PCSK5: variants seen among roughly 807,000 people sequenced by gnomAD.
PCSK5 encodes the protein prohormone convertase 5.
A neutral mutation model predicts 233.2 loss-of-function variants in PCSK5; 129 were observed. The observed-to-expected ratio is 0.55, with a 90% confidence interval of 0.48 to 0.64. PCSK5 has a LOEUF of 0.64. PCSK5 is among the 30% of genes least tolerant of loss of function. The pLI is 0.00. For synonymous variants in PCSK5, 825 were observed against 879.2 expected (o/e 0.94, Z 1.09); for missense variants, 2,076 against 2,430.1 (o/e 0.85, Z 3.06).
At chr9:76,077,373 C>A (rs1043994236) in intron 7 of PCSK5, among the ~76,000 whole-genome samples, 1 of 152,156 alleles carries the variant, frequency 6.6e-6, no homozygotes, top group East Asian at 1.9e-4. Context: ...ACTGTTCATC[C>A]TCCTGTCTTA....
At chr9:76,328,672 C>A (rs145238330) in intron 33 of PCSK5, among the ~76,000 whole-genome samples, 2 of 152,198 alleles carry the variant, frequency 1.3e-5, no homozygotes, top group African/African-American at 4.8e-5. Context: ...TCTTACATAA[C>A]CGCAGGATAG....
intron 24 of PCSK5, among the ~76,000 whole-genome samples, chr9:76,255,694 G>A (rs1478912488): frequency 1.3e-5 from 2 of 152,054 alleles, no homozygotes; most frequent in Non-Finnish European, 2.9e-5. Flanking sequence ...AGTTAGCCTG[G>A]TGCGGTTACA....
chr9:76,094,422 A>G (rs570075826), intron 7 of PCSK5, among the ~76,000 whole-genome samples: 49 of 152,204 alleles, frequency 3.2e-4, no homozygotes, highest in African/African-American at 1.0e-3. Context: ...GTGTCTTCCA[A>G]TTTGCCTTCT....
intron 18 of PCSK5, 148 bp downstream of exon 18, chr9:76,188,823 C>T (rs982610550): frequency 1.5e-6 from 1 of 656,118 alleles, no homozygotes; most frequent in African/African-American, 1.8e-5. Flanking sequence ...TGTGTATTCT[C>T]ATTGAAAGTC....
chr9:76,067,220 G>T (rs1402140686), intron 5 of PCSK5, among the ~76,000 whole-genome samples: 1 of 152,132 alleles, frequency 6.6e-6, no homozygotes, highest in East Asian at 1.9e-4. Flanking sequence ...CAAAATTATG[G>T]TGACAAAATA....
intron 9 of PCSK5, among the ~76,000 whole-genome samples, chr9:76,130,041 C>G (rs1331871875): frequency 6.6e-6 from 1 of 152,052 alleles, no homozygotes; most frequent in South Asian, 2.1e-4. Flanking sequence ...ATGACAAGTT[C>G]ATAACAATAA....
chr9:76,053,408 G>A (rs11144732), intron 5 of PCSK5, among the ~76,000 whole-genome samples: 17,003 of 152,198 alleles, frequency 0.11, 1,140 homozygotes, highest in South Asian at 0.26. Flanking sequence ...GATTTCTGCC[G>A]TGGGCTTGAA....
rs183199928 is a variant in PCSK5, at chr9:76,047,675, A to T, written c.633-20280A>T. Among the ~76,000 whole-genome samples, 107 of 152,252 alleles carry T rather than the reference A, an allele frequency of 7.0e-4. 1 individual carries two copies. Among genetic ancestry groups the T allele is most frequent in the African/African-American group, 2.5e-3 (104 of 41,554 alleles). On this transcript the variant is annotated intron_variant, in intron 5 of 37. Coordinates refer to ENST00000674117, the MANE Select transcript of PCSK5 (RefSeq NM_001372043.1). ...TACAACTTGCCCAATTTGGAGAGGCAGTGTAGGAGGGACTCATTAATGGGA... is the reference window on the plus strand; with the variant it reads ...TACAACTTGCCCAATTTGGAGAGGCTGTGTAGGAGGGACTCATTAATGGGA...
In PCSK5 at chr9:76,208,775, T is replaced by G. The variant is rs371828984; in HGVS notation, c.2627-18728T>G. Among the ~76,000 whole-genome samples, 40 of 152,334 alleles carry G rather than the reference T, an allele frequency of 2.6e-4. No homozygotes were observed. The South Asian group carries it at 2.7e-3, about 10-fold the overall frequency. On this transcript the variant is annotated intron_variant, in intron 20 of 37. Transcript: ENST00000674117. ...AGAGAAGAATAATTCTGATTGCTCA[T>G]GCGGTATTTTTTTTCCAACCTGGAT...
intron 20 of PCSK5, among the ~76,000 whole-genome samples, chr9:76,192,353 T>C (rs1306800711): frequency 1.3e-5 from 2 of 152,220 alleles, no homozygotes; most frequent in Non-Finnish European, 2.9e-5. Flanking sequence ...ACCAGGCTTT[T>C]GAAATCACAT....
intron 24 of PCSK5, chr9:76,287,053 A>G (rs1156605025): frequency 1.8e-5 from 3 of 162,702 alleles, no homozygotes; most frequent in Non-Finnish European, 2.7e-5. Flanking sequence ...TATCACCCGG[A>G]TCACCGGTGT....
Position 75,983,380 on chromosome 9 carries a change from A to T in PCSK5, c.298-2752A>T, listed in dbSNP as rs148140748. ...ATGAGATACAAGTTCAGCTGAGATTATGAGGGCAGGCTTCCCATAACTGTC... is the reference window on the plus strand; with the variant it reads ...ATGAGATACAAGTTCAGCTGAGATTTTGAGGGCAGGCTTCCCATAACTGTC... On this transcript the variant is annotated intron_variant, in intron 2 of 37. Transcript: ENST00000674117. Among the ~76,000 whole-genome samples, 16 of 152,284 alleles carry T rather than the reference A, an allele frequency of 1.1e-4. No homozygotes were observed. The East Asian group carries it at 2.9e-3, about 28-fold the overall frequency.
intron 1 of PCSK5, among the ~76,000 whole-genome samples, chr9:75,909,927 C>T (rs1366432102): frequency 6.6e-6 from 1 of 152,148 alleles, no homozygotes; most frequent in East Asian, 1.9e-4. Context: ...CGTGTCCCTT[C>T]ATTTACAGCC....
At chr9:76,349,905 C>T (rs991061778) in intron 35 of PCSK5, among the ~76,000 whole-genome samples, 2 of 152,168 alleles carry the variant, frequency 1.3e-5, no homozygotes, top group Non-Finnish European at 2.9e-5. Context: ...AGAGTACTGT[C>T]TCCACAGGAA....
At chr9:75,964,590 A>C (rs1237685774) in intron 2 of PCSK5, among the ~76,000 whole-genome samples, 1 of 152,192 alleles carries the variant, frequency 6.6e-6, no homozygotes, top group East Asian at 1.9e-4. Context: ...TGTGCTTTGC[A>C]CCTGGGATGT....
At position 76,175,506 on chromosome 9, in the gene PCSK5, C is replaced by T. The variant is rs192749181; in HGVS notation, c.1900+377C>T. 6 of 342,698 alleles carry T rather than the reference C, an allele frequency of 1.8e-5. No homozygotes were observed. The East Asian group carries it at 1.8e-4, about 10-fold the overall frequency. The allele number at this position is 342,698 out of a possible 1,614,324, so 21.2% of individuals were successfully genotyped here. Reference sequence around the variant, plus strand: ...AATCTGTAATCTGGGACATATTGTTCGCTTACAGAATTTTACACTATTTTA... The same window carrying T: ...AATCTGTAATCTGGGACATATTGTTTGCTTACAGAATTTTACACTATTTTA... On this transcript the variant is annotated intron_variant, in intron 14 of 37. Transcript: ENST00000674117.
At chr9:76,193,904 A>G (rs1824553980) in intron 20 of PCSK5, 1 of 152,960 alleles carries the variant, frequency 6.5e-6, no homozygotes, top group African/African-American at 2.4e-5. Flanking sequence ...GTCGTTTGCC[A>G]TGGTATTTCA....
At chr9:75,936,584 G>A (rs1420772735) in intron 2 of PCSK5, among the ~76,000 whole-genome samples, 5 of 152,160 alleles carry the variant, frequency 3.3e-5, no homozygotes, top group Non-Finnish European at 7.3e-5. Context: ...TCATGAGATT[G>A]CAGCAATTCA....
intron 5 of PCSK5, among the ~76,000 whole-genome samples, chr9:76,060,242 A>G (rs1484320362): frequency 6.6e-6 from 1 of 152,210 alleles, no homozygotes; most frequent in Non-Finnish European, 1.5e-5. Context: ...CTTAACTACT[A>G]ATAGCTTACT....
Sources: allele counts gnomAD v4.1 joint callset (sites outside exome capture counted in the v4.1 genomes callset), GRCh38; gene constraint gnomAD v4.1.1; transcripts MANE v1.5; gene names NCBI Gene and HGNC (gene_info 2026-07-23, HGNC 2026-07-21).